Variants in LRP1B observed in about 807,000 individuals in gnomAD.
LRP1B encodes the protein LDL receptor related protein 1B.
In LRP1B, 217 loss-of-function variants were observed where a neutral mutation model predicts 556.6. The observed-to-expected ratio is 0.39, with a 90% confidence interval of 0.35 to 0.44. The LOEUF is 0.44. Ranked by LOEUF, LRP1B falls within the 20% of genes least tolerant of loss-of-function variation. The pLI, the probability that LRP1B is intolerant of heterozygous loss-of-function variation, is 1.00. For missense variants in LRP1B, 5,053 were observed against 5,620.8 expected, an observed-to-expected ratio of 0.90 and a Z score of 3.23; for synonymous variants, 2,047 against 1,865.8, an observed-to-expected ratio of 1.10 and a Z score of -2.50.
intron 3 of LRP1B, among the ~76,000 whole-genome samples, chr2:141,262,221 C>T (rs1046406449): frequency 7.3e-5 from 11 of 151,672 alleles, no homozygotes; most frequent in African/African-American, 2.7e-4. Flanking sequence ...CTTCTGCCGA[C>T]TGTTATTAGG....
intron 2 of LRP1B, among the ~76,000 whole-genome samples, chr2:141,685,734 C>T (rs1691270810): frequency 6.6e-6 from 1 of 151,958 alleles, no homozygotes; most frequent in African/African-American, 2.4e-5. Context: ...ATGCTGGCAG[C>T]CTCTAGAAAC....
intron 41 of LRP1B, among the ~76,000 whole-genome samples, chr2:140,641,011 T>C (rs940980192): frequency 6.6e-6 from 1 of 152,222 alleles, no homozygotes; most frequent in South Asian, 2.1e-4. Flanking sequence ...CAGTCATGCA[T>C]TGTCATTCAC....
intron 3 of LRP1B, among the ~76,000 whole-genome samples, chr2:141,301,151 A>G (rs1006674780): frequency 6.6e-6 from 1 of 152,154 alleles, no homozygotes; most frequent in African/African-American, 2.4e-5. Context: ...AATTTTTCAT[A>G]CTTTACCTAT....
chr2:140,664,567 A>T (rs1685204047), intron 41 of LRP1B, among the ~76,000 whole-genome samples: 1 of 152,186 alleles, frequency 6.6e-6, no homozygotes, highest in African/African-American at 2.4e-5. Flanking sequence ...TTCTGATGGT[A>T]CTTAAAAATG....
chr2:140,738,256 AT>A (rs1028258672), intron 35 of LRP1B, among the ~76,000 whole-genome samples: 8 of 152,136 alleles, frequency 5.3e-5, no homozygotes, highest in Non-Finnish European at 1.0e-4. Context: ...CCTGAGATCA[AT>A]TACAACTATA....
chr2:140,459,867 C>T (rs576042860), intron 60 of LRP1B, among the ~76,000 whole-genome samples: 1 of 152,108 alleles, frequency 6.6e-6, no homozygotes, highest in Non-Finnish European at 1.5e-5. Context: ...GCACTTCCCC[C>T]CTACACTCCC....
At chr2:140,631,000 T>A (rs1224374684) in intron 41 of LRP1B, among the ~76,000 whole-genome samples, 21 of 152,206 alleles carry the variant, frequency 1.4e-4, no homozygotes, top group Admixed American at 1.4e-3. Context: ...AACCAGAGTG[T>A]AATAATAATA....
intron 84 of LRP1B, among the ~76,000 whole-genome samples, chr2:140,296,636 T>TA (rs1683613899): frequency 6.6e-6 from 1 of 151,562 alleles, no homozygotes; most frequent in Non-Finnish European, 1.5e-5. Context: ...AAAATTTAAA[T>TA]ATAGATACCC....
At chr2:140,956,455 T>C (rs1695875676) in intron 18 of LRP1B, among the ~76,000 whole-genome samples, 1 of 151,838 alleles carries the variant, frequency 6.6e-6, no homozygotes, top group South Asian at 2.1e-4. Context: ...ACTTCAATTC[T>C]AATTTTTACC....
At chr2:140,775,145 CCCTGT>C (rs1689447815) in intron 33 of LRP1B, among the ~76,000 whole-genome samples, 1 of 152,044 alleles carries the variant, frequency 6.6e-6, no homozygotes, top group African/African-American at 2.4e-5. Flanking sequence ...GTGACCCAAT[CCCTGT>C]ACAGGGAAGG....
At chr2:141,242,649 A>G (rs1224201528) in intron 5 of LRP1B, among the ~76,000 whole-genome samples, 1 of 152,064 alleles carries the variant, frequency 6.6e-6, no homozygotes, top group East Asian at 1.9e-4. Flanking sequence ...CTCCGCGGCA[A>G]AGAGGTACAC....
At chr2:141,318,912 A>G (rs1687126366) in intron 3 of LRP1B, among the ~76,000 whole-genome samples, 2 of 152,120 alleles carry the variant, frequency 1.3e-5, no homozygotes, top group Admixed American at 6.6e-5. Context: ...ACTGGGATAA[A>G]TTTATATTCA....
chr2:141,503,943 G>T (rs2105137801), intron 2 of LRP1B, among the ~76,000 whole-genome samples: 1 of 45,482 alleles, frequency 2.2e-5, no homozygotes, highest in South Asian at 7.8e-4. Flanking sequence ...TTTACTCCAT[G>T]TGTACACAGG....
At chr2:142,044,480 A>G (rs1422691944) in intron 1 of LRP1B, among the ~76,000 whole-genome samples, 1 of 151,790 alleles carries the variant, frequency 6.6e-6, no homozygotes, top group Non-Finnish European at 1.5e-5. Context: ...CAGAAAGATG[A>G]GCGCACAGTA....
chr2:140,337,293 T>C (rs1451644870), intron 77 of LRP1B, among the ~76,000 whole-genome samples: 1 of 151,878 alleles, frequency 6.6e-6, no homozygotes, highest in Non-Finnish European at 1.5e-5. Flanking sequence ...ACCCTATTTC[T>C]CAACTTTAAC....
At chr2:140,472,943 A>G (rs1486245429) in intron 60 of LRP1B, among the ~76,000 whole-genome samples, 1 of 152,042 alleles carries the variant, frequency 6.6e-6, no homozygotes, top group Non-Finnish European at 1.5e-5. Context: ...TGAGAAAAAT[A>G]ATATTGGTCT....
intron 2 of LRP1B, among the ~76,000 whole-genome samples, chr2:141,507,277 G>C (rs13001306): frequency 0.074 from 11,233 of 152,110 alleles, 525 homozygotes; most frequent in South Asian, 0.13. Flanking sequence ...ATACAAAAAT[G>C]ACTAACCCAG....
intron 7 of LRP1B, among the ~76,000 whole-genome samples, chr2:141,135,744 C>T (rs1379428654): frequency 6.6e-6 from 1 of 151,834 alleles, no homozygotes; most frequent in Non-Finnish European, 1.5e-5. Context: ...TGAATTTTCC[C>T]AGGTCATTTA....
At chr2:140,428,686 G>A (rs981801652) in intron 66 of LRP1B, among the ~76,000 whole-genome samples, 3 of 152,016 alleles carry the variant, frequency 2.0e-5, no homozygotes, top group African/African-American at 7.3e-5. Context: ...CACAGTGGAG[G>A]GTAAGTCTGT....
Sources: gnomAD v4.1 joint callset for allele counts (sites outside exome capture counted in the v4.1 genomes callset) on GRCh38, gnomAD v4.1.1 for gene constraint, MANE v1.5 for transcripts, NCBI Gene and HGNC (gene_info 2026-07-23, HGNC 2026-07-21) for gene names.